Variants in MGAT3 observed in about 807,000 individuals in gnomAD.
MGAT3 encodes GlcNAc-T III.
A neutral mutation model predicts 29.8 loss-of-function variants in MGAT3; 9 were observed. The observed-to-expected ratio is 0.30, with a 90% confidence interval of 0.18 to 0.53. MGAT3 has a LOEUF of 0.53. MGAT3 is among the 20% of genes least tolerant of loss of function. The pLI is 0.96. For synonymous variants in MGAT3, 397 were observed against 348.9 expected, an observed-to-expected ratio of 1.14 and a Z score of -1.54; for missense variants, 557 against 769.5, an observed-to-expected ratio of 0.72 and a Z score of 3.27.
At chr22:39,464,560 C>T (rs1174280399) in intron 1 of MGAT3, among the ~76,000 whole-genome samples, 1 of 151,750 alleles carries the variant, frequency 6.6e-6, no homozygotes, top group Non-Finnish European at 1.5e-5. Flanking sequence ...CTGCCTCAGC[C>T]TTCCCAGGTA....
chr22:39,459,128 C>T (rs1381455788), intron 1 of MGAT3, among the ~76,000 whole-genome samples: 1 of 150,886 alleles, frequency 6.6e-6, no homozygotes, highest in Non-Finnish European at 1.5e-5. Context: ...GGCTGGAGTG[C>T]AGTGGTGCCA....
chr22:39,460,122 C>A (rs1394527789), intron 1 of MGAT3, among the ~76,000 whole-genome samples: 1 of 152,244 alleles, frequency 6.6e-6, no homozygotes, highest in African/African-American at 2.4e-5. Context: ...TTCAGGGTAT[C>A]CTGCTGTGCT....
At chr22:39,483,038 T>C (rs1182245547) in intron 1 of MGAT3, among the ~76,000 whole-genome samples, 1 of 152,238 alleles carries the variant, frequency 6.6e-6, no homozygotes, top group Non-Finnish European at 1.5e-5. Flanking sequence ...GCTGTTTCCT[T>C]GCCTCTCTGA....
rs958964129 is a variant in MGAT3 at position 39,490,171 on chromosome 22, C to G, written c.*1222C>G. 1 of 167,124 alleles carries G rather than the reference C, an allele frequency of 6.0e-6. No individual in the cohort carries two copies. Among genetic ancestry groups the G allele is most frequent in the East Asian group, 1.9e-4 (1 of 5,198 alleles). 10.4% of individuals were successfully genotyped at this position (167,124 alleles called of 1,614,324 possible). A position where few individuals can be genotyped will look rare whatever the true frequency, so the allele number is the denominator to read the frequency against. On this transcript the variant is annotated 3_prime_UTR_variant, in exon 2 of 2. Coordinates refer to ENST00000341184, the MANE Select transcript of MGAT3 (RefSeq NM_002409.5). Reference sequence around the variant, plus strand: ...TAGGGCAGCTCTGCGTTTCTTCATACGCACCTTCCAATTCTGGGTACACAG... The same window carrying G: ...TAGGGCAGCTCTGCGTTTCTTCATAGGCACCTTCCAATTCTGGGTACACAG...
In MGAT3 at chr22:39,457,324, G is replaced by A. The variant is rs1394014320; in HGVS notation, c.-235G>A. On this transcript the variant is annotated 5_prime_UTR_variant, in exon 1 of 2. Transcript: ENST00000341184. The surrounding 1 kb of genome is among the most constrained non-coding windows in gnomAD (Gnocchi z 6.8). ...CCGCCGCCCCGGGGTGCAGCCGAGCGGCCGCGCCGGGTCCCCGGGACGGGG... is the reference window on the plus strand; with the variant it reads ...CCGCCGCCCCGGGGTGCAGCCGAGCAGCCGCGCCGGGTCCCCGGGACGGGG... 1.4e-5 allele frequency: 2 copies of A among 140,228 alleles called. No homozygotes were observed. The highest frequency in any genetic ancestry group is 3.2e-5 in the Non-Finnish European group (2 of 63,278). 8.7% of individuals were successfully genotyped at this position (140,228 alleles called of 1,614,324 possible). A position where few individuals can be genotyped will look rare whatever the true frequency, so the allele number is the denominator to read the frequency against.
Position 39,489,187 on chromosome 22 carries a change from T to G in MGAT3, c.*238T>G. The stretch of plus-strand genomic sequence containing the variant: ...GGCCGTGACGTCTGGGTGGCCCTTA[T>G]GACTGCCAAGACTGCTGTGGCCAGG... On this transcript the variant is annotated 3_prime_UTR_variant, in exon 2 of 2. Transcript: ENST00000341184. The G allele has an allele frequency of 1.6e-6, 1 of 629,812 alleles. No homozygotes were observed. The highest frequency in any genetic ancestry group is 2.8e-6 in the Non-Finnish European group (1 of 358,302). 39.0% of individuals were successfully genotyped at this position (629,812 alleles called of 1,614,324 possible). A position where few individuals can be genotyped will look rare whatever the true frequency, so the allele number is the denominator to read the frequency against.
chr22:39,477,994 C>T (rs1486653317), intron 1 of MGAT3, among the ~76,000 whole-genome samples: 2 of 152,172 alleles, frequency 1.3e-5, no homozygotes, highest in Non-Finnish European at 2.9e-5. Flanking sequence ...GCCATTGTGG[C>T]CACTGGCCTA....
At chr22:39,481,201 C>CT (rs1159963427) in intron 1 of MGAT3, among the ~76,000 whole-genome samples, 36 of 152,152 alleles carry the variant, frequency 2.4e-4, no homozygotes, top group African/African-American at 7.0e-4. Flanking sequence ...TGCCAGGGCA[C>CT]TGGTTGTGCC....
intron 1 of MGAT3, among the ~76,000 whole-genome samples, chr22:39,463,481 C>G (rs1166752969): frequency 1.3e-5 from 2 of 152,222 alleles, no homozygotes; most frequent in Non-Finnish European, 2.9e-5. Flanking sequence ...CCTTCAAGGC[C>G]CTCCTTCTGC....
At chr22:39,460,177 A>G (rs1928458894) in intron 1 of MGAT3, among the ~76,000 whole-genome samples, 1 of 152,196 alleles carries the variant, frequency 6.6e-6, no homozygotes, top group Admixed American at 6.5e-5. Context: ...GCAGTGATGC[A>G]GCCCCTCATC....
At chr22:39,468,736 T>G (rs1013736311) in intron 1 of MGAT3, among the ~76,000 whole-genome samples, 1 of 152,108 alleles carries the variant, frequency 6.6e-6, no homozygotes, top group African/African-American at 2.4e-5. Flanking sequence ...GCACCTTTTT[T>G]GTGTGGGGCT....
intron 1 of MGAT3, among the ~76,000 whole-genome samples, chr22:39,478,918 A>G (rs776757062): frequency 3.9e-5 from 6 of 152,222 alleles, no homozygotes; most frequent in Non-Finnish European, 4.4e-5. Context: ...AAATCTGTCC[A>G]GCTCAGACCC....
chr22:39,463,771 G>T (rs1928561234), intron 1 of MGAT3, among the ~76,000 whole-genome samples: 2 of 151,738 alleles, frequency 1.3e-5, no homozygotes, highest in Non-Finnish European at 2.9e-5. Context: ...AAAAAATTAG[G>T]CAGGTATGGT....
In MGAT3 at chr22:39,488,940, G is replaced by T; in HGVS notation, c.1593G>T (p.Ala531=). The T allele has an allele frequency of 1.2e-6, 2 of 1,605,038 alleles. No homozygotes were observed. Among genetic ancestry groups the T allele is most frequent in the Middle Eastern group, 1.8e-4 (1 of 5,700 alleles). Residue 531 remains alanine, a synonymous_variant, in exon 2 of 2, where the codon GCG becomes GCT. Transcript: ENST00000341184. ...RPPARGKLDE[A]EV is the part of the protein sequence containing the mutation. Reference sequence around the variant, plus strand: ...CCGCCCGGGGCAAACTGGACGAGGCGGAAGTCTAGAGCTGCATGATCTGAT... The same window carrying T: ...CCGCCCGGGGCAAACTGGACGAGGCTGAAGTCTAGAGCTGCATGATCTGAT...
intron 1 of MGAT3, among the ~76,000 whole-genome samples, chr22:39,465,473 A>C (rs1024294767): frequency 6.6e-6 from 1 of 152,180 alleles, no homozygotes; most frequent in African/African-American, 2.4e-5. Context: ...CAGTGAAACC[A>C]TGTGTGTAAG....
chr22:39,483,191 G>A (rs1419231837), intron 1 of MGAT3, among the ~76,000 whole-genome samples: 2 of 152,136 alleles, frequency 1.3e-5, no homozygotes, highest in African/African-American at 4.8e-5. Flanking sequence ...CAGGTCCCAA[G>A]TACAGAAAAA....
Position 39,487,967 on chromosome 22 carries a change from G to A in MGAT3, c.620G>A (p.Arg207His), listed in dbSNP as rs780447694. ...CTGGTGCCCAGGGAGGTGCCGCGCC[G>A]CGTCATCAACGCCATCAACGTCAAC... ...ERLVPREVPR[R>H]VINAINVNHE... Residue 207 changes from arginine (R) to histidine (H), a missense_variant, in exon 2 of 2, where the codon CGC becomes CAC. Physicochemically the swap from Arg to His is conservative, Grantham distance 29 (BLOSUM62 0). This residue lies in a region of MGAT3 where 243 missense variants were observed against 444.0 expected (regional missense o/e 0.55). Coordinates refer to ENST00000341184, the MANE Select transcript of MGAT3 (RefSeq NM_002409.5). This position sits in a 1 kb window ranked among gnomAD's most constrained non-coding sequence, Gnocchi z 5.7. 7 of 1,612,036 alleles carry A rather than the reference G, an allele frequency of 4.3e-6. No individual in the cohort carries two copies. Among genetic ancestry groups the A allele is most frequent in the South Asian group, 1.1e-5 (1 of 91,054 alleles).
intron 1 of MGAT3, among the ~76,000 whole-genome samples, chr22:39,471,153 T>G (rs750503431): frequency 4.6e-5 from 7 of 151,934 alleles, no homozygotes; most frequent in African/African-American, 1.7e-4. Context: ...GCCCTGGGGG[T>G]GGGGGCAGGG....
rs554419593 is a variant in MGAT3 at position 39,481,269 on chromosome 22, C to T, written c.-1-6078C>T. ...TCCTGCGTGGAGTCTGCTCACGTCGCCTCCTCGGTGAGCCTGCCCTGCCCA... is the reference window on the plus strand; with the variant it reads ...TCCTGCGTGGAGTCTGCTCACGTCGTCTCCTCGGTGAGCCTGCCCTGCCCA... On this transcript the variant is annotated intron_variant, in intron 1 of 1. Coordinates refer to ENST00000341184, the MANE Select transcript of MGAT3 (RefSeq NM_002409.5). Among the ~76,000 whole-genome samples, 378 of 152,342 alleles carry T rather than the reference C, an allele frequency of 2.5e-3. 3 individuals are homozygous for T. The highest frequency in any genetic ancestry group is 0.017 in the Middle Eastern group (5 of 294).
Sources: allele counts gnomAD v4.1 joint callset (sites outside exome capture counted in the v4.1 genomes callset), GRCh38; gene constraint gnomAD v4.1.1; regional missense constraint gnomAD v4.1.1; non-coding constraint Gnocchi (gnomAD v3.1); transcripts MANE v1.5; gene names NCBI Gene and HGNC (gene_info 2026-07-23, HGNC 2026-07-21).